Variants in DSCAM observed in about 807,000 individuals in gnomAD.
The protein encoded by DSCAM is DS cell adhesion molecule.
In DSCAM, 47 loss-of-function variants were observed where a neutral mutation model predicts 217.7. That is an observed-to-expected ratio of 0.22 (90% CI 0.17 to 0.28). DSCAM has a LOEUF of 0.28. Ranked by LOEUF, DSCAM falls within the 10% of genes least tolerant of loss-of-function variation. The probability of loss-of-function intolerance (pLI) is 1.00; values close to 1 mark genes in which losing one functional copy is unlikely to be tolerated. For missense variants in DSCAM, 2,080 were observed against 2,618.3 expected, an observed-to-expected ratio of 0.79 and a Z score of 4.49; for synonymous variants, 1,056 against 1,015.3, an observed-to-expected ratio of 1.04 and a Z score of -0.76.
At chr21:40,769,805 C>A (rs1037665776) in intron 1 of DSCAM, among the ~76,000 whole-genome samples, 2 of 152,182 alleles carry the variant, frequency 1.3e-5, no homozygotes, top group African/African-American at 2.4e-5. Flanking sequence ...TTCACCAACC[C>A]CCAGGTGGTT....
At chr21:40,055,423 A>C (rs1263643670) in intron 29 of DSCAM, among the ~76,000 whole-genome samples, 1 of 152,120 alleles carries the variant, frequency 6.6e-6, no homozygotes, top group East Asian at 1.9e-4. Context: ...TATTCCTTGG[A>C]GTGGCATCCG....
Position 40,403,198 on chromosome 21 carries a change from T to C in DSCAM, c.509-33953A>G, listed in dbSNP as rs529257461. Among the ~76,000 whole-genome samples the C allele has an allele frequency of 8.5e-5, 13 of 152,308 alleles. No homozygotes were observed. The South Asian group carries it at 2.7e-3, about 32-fold the overall frequency. ...ATCACTATATATTTCCAGTGATCCC[T>C]TGAAATATTAAAAAGGAAAAGGTAT... On this transcript the variant is annotated intron_variant, in intron 3 of 32. Transcript: ENST00000400454.
chr21:40,124,094 C>G, intron 20 of DSCAM, 101 bp downstream of exon 20: 1 of 1,527,498 alleles, frequency 6.5e-7, no homozygotes, highest in Non-Finnish European at 8.9e-7. Context: ...CTGGAAAGAC[C>G]CAGGTAGGTG....
intron 3 of DSCAM, among the ~76,000 whole-genome samples, chr21:40,412,484 G>A (rs1315652968): frequency 6.6e-6 from 1 of 152,196 alleles, no homozygotes; most frequent in African/African-American, 2.4e-5. Flanking sequence ...TTGGGAACTG[G>A]AGCAAAGGTG....
At chr21:40,697,284 CTCT>C (rs1386067504) in intron 2 of DSCAM, among the ~76,000 whole-genome samples, 1 of 152,314 alleles carries the variant, frequency 6.6e-6, no homozygotes, top group East Asian at 1.9e-4. Context: ...TGCATGTTGT[CTCT>C]TCAACTTTGC....
chr21:40,501,806 GGT>G (rs1353186622), intron 3 of DSCAM, among the ~76,000 whole-genome samples: 1 of 152,152 alleles, frequency 6.6e-6, no homozygotes, highest in African/African-American at 2.4e-5. Context: ...TGGTCAGGCT[GGT>G]CCGGAACTCC....
At chr21:40,121,071 T>G (rs2146661730) in intron 20 of DSCAM, among the ~76,000 whole-genome samples, 1 of 152,192 alleles carries the variant, frequency 6.6e-6, no homozygotes, top group South Asian at 2.1e-4. Context: ...ATGAAATCAT[T>G]TCAAAGAAAA....
rs59821386 is a variant in DSCAM, at chr21:40,408,060, A to G, written c.509-38815T>C. The stretch of plus-strand genomic sequence containing the variant: ...AGAACTGTGTTCACTGTGTTTTAAC[A>G]ACAGAAGATATTACCCATCTTTGCC... On this transcript the variant is annotated intron_variant, in intron 3 of 32. Coordinates refer to ENST00000400454, the MANE Select transcript of DSCAM (RefSeq NM_001389.5). Among the ~76,000 whole-genome samples, 531 of 152,200 alleles carry G rather than the reference A, an allele frequency of 3.5e-3. 3 individuals are homozygous for G. Among genetic ancestry groups the G allele is most frequent in the African/African-American group, 0.012 (501 of 41,530 alleles).
At chr21:40,264,708 A>G (rs1424423885) in intron 11 of DSCAM, among the ~76,000 whole-genome samples, 1 of 152,204 alleles carries the variant, frequency 6.6e-6, no homozygotes, top group Non-Finnish European at 1.5e-5. Context: ...AGCCAGAGAA[A>G]TCAGGAAAGA....
At chr21:40,179,335 G>C (rs541958230) in intron 14 of DSCAM, among the ~76,000 whole-genome samples, 1 of 152,242 alleles carries the variant, frequency 6.6e-6, no homozygotes, top group South Asian at 2.1e-4. Flanking sequence ...CGAGGGACAT[G>C]GGGCAACAAG....
rs147241384 is a variant in DSCAM at position 40,689,785 on chromosome 21, T to C, written c.508+3025A>G. Among the ~76,000 whole-genome samples the C allele has an allele frequency of 7.1e-4, 108 of 152,362 alleles. 1 individual carries two copies. In the East Asian group the frequency reaches 9.5e-3, roughly 13 times the overall value. ...ACTAGCTCGCAGGAGTTACAGTTTA[T>C]ATACAAAGCAGAGACAAATTAACCT... On this transcript the variant is annotated intron_variant, in intron 3 of 32. Coordinates refer to ENST00000400454, the MANE Select transcript of DSCAM (RefSeq NM_001389.5).
chr21:40,798,849 A>T (rs2091714570), intron 1 of DSCAM, among the ~76,000 whole-genome samples: 1 of 152,134 alleles, frequency 6.6e-6, no homozygotes, highest in East Asian at 1.9e-4. Context: ...TTGCTCTTCA[A>T]TTAAAAATAA....
At chr21:40,234,173 A>G (rs1173386876) in intron 11 of DSCAM, among the ~76,000 whole-genome samples, 1 of 152,208 alleles carries the variant, frequency 6.6e-6, no homozygotes, top group African/African-American at 2.4e-5. Flanking sequence ...CTCTTGAGGC[A>G]TGGAATTACT....
At chr21:40,460,043 C>T (rs1484634087) in intron 3 of DSCAM, among the ~76,000 whole-genome samples, 2 of 152,060 alleles carry the variant, frequency 1.3e-5, no homozygotes, top group African/African-American at 2.4e-5. Flanking sequence ...AACCAAACAC[C>T]GCATTTTCTC....
At chr21:40,575,980 G>A (rs947418601) in intron 3 of DSCAM, among the ~76,000 whole-genome samples, 1 of 152,162 alleles carries the variant, frequency 6.6e-6, no homozygotes, top group African/African-American at 2.4e-5. Context: ...TTAAAATACT[G>A]TTGGGATGAA....
At chr21:40,102,404 T>C (rs2089763365) in intron 20 of DSCAM, among the ~76,000 whole-genome samples, 1 of 152,200 alleles carries the variant, frequency 6.6e-6, no homozygotes, top group Non-Finnish European at 1.5e-5. Context: ...TGTCTTTGTA[T>C]GTTACTGCTT....
At chr21:40,674,632 C>CTTT (rs869046725) in intron 3 of DSCAM, among the ~76,000 whole-genome samples, 3 of 52,000 alleles carry the variant, frequency 5.8e-5, no homozygotes, top group African/African-American at 1.9e-4. Context: ...TTTTCTTTTT[C>CTTT]TTTTTTTTTT....
chr21:40,182,567 A>G (rs572259862), intron 14 of DSCAM, among the ~76,000 whole-genome samples: 1 of 149,132 alleles, frequency 6.7e-6, no homozygotes, highest in Admixed American at 6.6e-5. Flanking sequence ...GGAGGGAGGT[A>G]CCAGAGAAAC....
chr21:40,429,275 T>G (rs2075507120), intron 3 of DSCAM, among the ~76,000 whole-genome samples: 1 of 152,088 alleles, frequency 6.6e-6, no homozygotes, highest in African/African-American at 2.4e-5. Flanking sequence ...TTGTGCTTTT[T>G]TTTTTTTGGA....
Sources: allele counts gnomAD v4.1 joint callset (sites outside exome capture counted in the v4.1 genomes callset), GRCh38; gene constraint gnomAD v4.1.1; transcripts MANE v1.5; gene names NCBI Gene and HGNC (gene_info 2026-07-23, HGNC 2026-07-21).